The following MICU2 variants were observed in gnomAD, a reference collection of about 807,000 sequenced individuals.
The protein encoded by MICU2 is calcium uptake protein 2, mitochondrial.
Under a neutral mutation model 60.4 loss-of-function variants are expected in MICU2, and 64 were observed. The observed-to-expected ratio is 1.06, with a 90% CI of 0.87 to 1.31. The LOEUF (loss-of-function observed/expected upper bound fraction) is 1.31. MICU2 is among the 50% of genes most tolerant of loss of function. The pLI is 0.00. For missense variants in MICU2, 569 were observed against 531.0 expected (o/e 1.07, Z -0.70); for synonymous variants, 201 against 175.0 (o/e 1.15, Z -1.17).
At chr13:21,588,103 G>A (rs966294776) in intron 1 of MICU2, among the ~76,000 whole-genome samples, 2 of 152,166 alleles carry the variant, frequency 1.3e-5, no homozygotes, top group African/African-American at 4.8e-5. Flanking sequence ...CCAACGTTCT[G>A]CGGACCACTA....
At position 21,583,577 on chromosome 13, in the gene MICU2, C is replaced by G. The variant is rs542943218; in HGVS notation, c.211-16633G>C. ...AGTTATCATCTGATAATTAAATGAG[C>G]CTTTGGGAAGTGCTCAGCTGTTTCC... On this transcript the variant is annotated intron_variant, in intron 1 of 11. Transcript: ENST00000382374. 2.6e-5 allele frequency among the ~76,000 whole-genome samples: 4 copies of G among 152,286 alleles called. No individual in the cohort carries two copies. In the South Asian group the frequency reaches 8.3e-4, roughly 32 times the overall value.
At chr13:21,522,252 T>C (rs1009094185) in intron 5 of MICU2, among the ~76,000 whole-genome samples, 6 of 152,240 alleles carry the variant, frequency 3.9e-5, no homozygotes, top group Non-Finnish European at 8.8e-5. Context: ...CTAATCTGTA[T>C]CAGTGTCTCA....
intron 1 of MICU2, among the ~76,000 whole-genome samples, chr13:21,569,257 CA>C (rs891855048): frequency 5.3e-5 from 8 of 152,084 alleles, no homozygotes; most frequent in African/African-American, 1.7e-4. Flanking sequence ...AACATCCCCC[CA>C]ATTAATTTTG....
rs926849460 is a variant in MICU2, at chr13:21,492,996, T to C, written c.*253A>G. 2 of 264,086 alleles carry C rather than the reference T, an allele frequency of 7.6e-6. No individual in the cohort carries two copies. Among genetic ancestry groups the C allele is most frequent in the Non-Finnish European group, 1.4e-5 (2 of 140,522 alleles). The allele number at this position is 264,086 out of a possible 1,614,324, so 16.4% of individuals were successfully genotyped here. ...CTAAGAAATCAGTGAATCACTAAGT[T>C]TTCCATCTTACCGAAGTACAAAACA... On this transcript the variant is annotated 3_prime_UTR_variant, in exon 12 of 12. Transcript: ENST00000382374.
intron 4 of MICU2, among the ~76,000 whole-genome samples, chr13:21,535,529 G>A (rs182028539): frequency 6.6e-6 from 1 of 152,170 alleles, no homozygotes; most frequent in Admixed American, 6.5e-5. Flanking sequence ...ACTTTAAAAT[G>A]CCAAATTAGT....
intron 7 of MICU2, among the ~76,000 whole-genome samples, chr13:21,511,836 A>G (rs1383829441): frequency 6.6e-6 from 1 of 151,586 alleles, no homozygotes; most frequent in African/African-American, 2.4e-5. Context: ...TCCCAGCATA[A>G]TTCTCTGGAG....
intron 2 of MICU2, among the ~76,000 whole-genome samples, chr13:21,565,295 A>G (rs1004747191): frequency 6.6e-5 from 10 of 151,416 alleles, no homozygotes; most frequent in African/African-American, 2.4e-4. Flanking sequence ...TGGGAGGCCA[A>G]GGGGGGTGGA....
chr13:21,536,163 T>C (rs1381652770), intron 4 of MICU2, among the ~76,000 whole-genome samples: 1 of 152,142 alleles, frequency 6.6e-6, no homozygotes, highest in Admixed American at 6.5e-5. Context: ...AAGGAACTAA[T>C]ACTCACAGAA....
chr13:21,502,995 AAGT>A lies in MICU2; in HGVS notation c.861_863del (p.Leu288del). 1 of 1,611,624 alleles carries A rather than the reference AAGT, an allele frequency of 6.2e-7. No homozygotes were observed. Among genetic ancestry groups the A allele is most frequent in the South Asian group, 1.1e-5 (1 of 90,052 alleles). ...CTTTATTTTCAGTGTTAGTGAAAAAAAGTAGCCACTCTGCAAAGTCTTCTTTTC... is the reference window on the plus strand; with the variant it reads ...CTTTATTTTCAGTGTTAGTGAAAAAAAGCCACTCTGCAAAGTCTTCTTTTC... On this transcript the variant is annotated inframe_deletion, in exon 9 of 12. Transcript: ENST00000382374.
intron 1 of MICU2, among the ~76,000 whole-genome samples, chr13:21,585,497 A>C (rs1161669131): frequency 6.6e-6 from 1 of 152,226 alleles, no homozygotes; most frequent in Non-Finnish European, 1.5e-5. Context: ...AATAAGTTCC[A>C]GTTTTACCTA....
chr13:21,524,849 G>A lies in MICU2; in HGVS notation c.467-2199C>T, dbSNP rs536695821. Among the ~76,000 whole-genome samples the A allele has an allele frequency of 7.2e-5, 11 of 152,136 alleles. No individual in the cohort carries two copies. The South Asian group carries it at 2.3e-3, about 32-fold the overall frequency. On this transcript the variant is annotated intron_variant, in intron 4 of 11. Coordinates refer to ENST00000382374, the MANE Select transcript of MICU2 (RefSeq NM_152726.3). ...CTGTGACGTTGCCTATTCTATCTAG[G>A]TACCTAAGATGAATCATACGATATT...
intron 9 of MICU2, among the ~76,000 whole-genome samples, chr13:21,501,202 A>T (rs1411316677): frequency 6.6e-6 from 1 of 152,178 alleles, no homozygotes. Context: ...TGTCAGTAAC[A>T]AACTGTTTTA....
chr13:21,579,406 T>A (rs1888296075), intron 1 of MICU2, among the ~76,000 whole-genome samples: 1 of 149,330 alleles, frequency 6.7e-6, no homozygotes, highest in African/African-American at 2.5e-5. Flanking sequence ...AATGATGCAA[T>A]CTTGGCTCAC....
chr13:21,508,194 T>C (rs1441111586), intron 8 of MICU2, among the ~76,000 whole-genome samples: 5 of 151,556 alleles, frequency 3.3e-5, no homozygotes, highest in Non-Finnish European at 7.4e-5. Flanking sequence ...GGCACGATCC[T>C]GGCTCACTAC....
At chr13:21,572,622 A>G (rs1888137877) in intron 1 of MICU2, among the ~76,000 whole-genome samples, 1 of 152,218 alleles carries the variant, frequency 6.6e-6, no homozygotes, top group Non-Finnish European at 1.5e-5. Context: ...GGAGGCTAGC[A>G]AAGAATTTAC....
intron 2 of MICU2, among the ~76,000 whole-genome samples, chr13:21,544,315 T>C (rs1290693184): frequency 3.3e-5 from 5 of 151,946 alleles, no homozygotes; most frequent in African/African-American, 9.6e-5. Flanking sequence ...ATTAGTGAGA[T>C]GATACCAAAC....
In MICU2 at chr13:21,493,215, G is replaced by T; in HGVS notation, c.*34C>A. 1 of 1,418,404 alleles carries T rather than the reference G, an allele frequency of 7.1e-7. No individual in the cohort carries two copies. The highest frequency in any genetic ancestry group is 9.7e-7 in the Non-Finnish European group (1 of 1,035,992). The allele number at this position is 1,418,404 out of a possible 1,614,324, so 87.9% of individuals were successfully genotyped here. On this transcript the variant is annotated 3_prime_UTR_variant, in exon 12 of 12. Transcript: ENST00000382374. ...AAAAAATCACAAATTTTGACATTTG[G>T]AACAATATAATTGCCATACTATTAT...
chr13:21,603,909 T>A (rs781482814), intron 1 of MICU2, 30 bp downstream of exon 1: 1 of 1,607,668 alleles, frequency 6.2e-7, no homozygotes. Context: ...GGAGCTTGAC[T>A]GGGGCTAGCA....
rs1052451176 is a variant in MICU2, at chr13:21,514,348, C to T, written c.663+5G>A. On this transcript the variant is annotated splice_donor_5th_base_variant and intron_variant, in intron 7 of 11. Coordinates refer to ENST00000382374, the MANE Select transcript of MICU2 (RefSeq NM_152726.3). The stretch of plus-strand genomic sequence containing the variant: ...ATCAATTGTTTGGAAATCATCTGTA[C>T]ATACCTGATATCCAGTTTCATTAGT... 1.2e-6 allele frequency: 2 copies of T among 1,606,324 alleles called. No individual in the cohort carries two copies. The highest frequency in any genetic ancestry group is 2.7e-5 in the African/African-American group (2 of 74,492).
Sources: allele counts gnomAD v4.1 joint callset (sites outside exome capture counted in the v4.1 genomes callset), GRCh38; gene constraint gnomAD v4.1.1; transcripts MANE v1.5; gene names NCBI Gene and HGNC (gene_info 2026-07-23, HGNC 2026-07-21).